Variants in TBL1XR1 observed in about 807,000 individuals in gnomAD.
The protein encoded by TBL1XR1 is F-box-like/WD repeat-containing protein TBL1XR1.
In TBL1XR1, 5 loss-of-function variants were observed where a neutral mutation model predicts 66.9. The ratio of observed to expected loss-of-function variants is 0.07; its 90% CI spans 0.04 to 0.16. The LOEUF (loss-of-function observed/expected upper bound fraction) is 0.16. Among genes scored for constraint, TBL1XR1 ranks in the 10% least tolerant of loss-of-function variants. The pLI, the probability that TBL1XR1 is intolerant of heterozygous loss-of-function variation, is 1.00. For synonymous variants in TBL1XR1, 210 were observed against 206.0 expected, an observed-to-expected ratio of 1.02 and a Z score of -0.17; for missense variants, 238 against 623.2, an observed-to-expected ratio of 0.38 and a Z score of 6.58.
intron 1 of TBL1XR1, among the ~76,000 whole-genome samples, chr3:177,183,943 C>A (rs765841430): frequency 6.6e-6 from 1 of 151,780 alleles, no homozygotes. Flanking sequence ...GAGTTCACTG[C>A]CAAAAATGAG....
Position 177,046,295 on chromosome 3 carries a change from A to G in TBL1XR1, c.865-106T>C, listed in dbSNP as rs941282329. 16 of 800,476 alleles carry G rather than the reference A, an allele frequency of 2.0e-5. No individual in the cohort carries two copies. In the African/African-American group the frequency reaches 2.7e-4, roughly 14 times the overall value. The allele number at this position is 800,476 out of a possible 1,614,324, so 49.6% of individuals were successfully genotyped here. A position where few individuals can be genotyped will look rare whatever the true frequency, so the allele number is the denominator to read the frequency against. On this transcript the variant is annotated intron_variant, in intron 9 of 15. Transcript: ENST00000457928. Reference sequence around the variant, plus strand: ...ACAGCAATATGAAATGTCAGAGTGGATTTAATTTTAAACACTTTATCCCAA... The same window carrying G: ...ACAGCAATATGAAATGTCAGAGTGGGTTTAATTTTAAACACTTTATCCCAA...
intron 1 of TBL1XR1, among the ~76,000 whole-genome samples, chr3:177,109,298 T>C (rs993993810): frequency 3.9e-5 from 6 of 152,152 alleles, no homozygotes; most frequent in Non-Finnish European, 7.4e-5. Context: ...CTAAATGAAC[T>C]CTCTCCATTA....
Position 177,065,022 on chromosome 3 carries a change from C to A in TBL1XR1, c.-45G>T. ...ATGAGGTCACAACACAGGATATAAC[C>A]CTAAAAATAAAACAAAGTTAATTAT... is the stretch of plus-strand genomic sequence containing the variant. On this transcript the variant is annotated splice_region_variant and 5_prime_UTR_variant, in exon 3 of 16. Coordinates refer to ENST00000457928, the MANE Select transcript of TBL1XR1 (RefSeq NM_024665.7). The A allele has an allele frequency of 2.1e-6, 3 of 1,423,488 alleles. No homozygotes were observed. Among genetic ancestry groups the A allele is most frequent in the Non-Finnish European group, 1.8e-6 (2 of 1,088,076 alleles). 88.2% of individuals were successfully genotyped at this position (1,423,488 alleles called of 1,614,324 possible). A position where few individuals can be genotyped will look rare whatever the true frequency, so the allele number is the denominator to read the frequency against.
chr3:177,196,455 C>G (rs1439740911), intron 1 of TBL1XR1: 1 of 150,514 alleles, frequency 6.6e-6, no homozygotes, highest in Non-Finnish European at 1.5e-5. Flanking sequence ...AAACACGTCC[C>G]GGAGCAAGGC....
chr3:177,135,518 G>A (rs1390017073), intron 1 of TBL1XR1, among the ~76,000 whole-genome samples: 2 of 150,562 alleles, frequency 1.3e-5, no homozygotes, highest in Admixed American at 6.6e-5. Flanking sequence ...CGAGTAGCTG[G>A]GACTACAGGC....
At chr3:177,086,870 C>T (rs575194838) in intron 2 of TBL1XR1, 6 of 151,604 alleles carry the variant, frequency 4.0e-5, no homozygotes, top group African/African-American at 1.5e-4. Flanking sequence ...TAAACACACA[C>T]ACCTTACATG....
In TBL1XR1 at chr3:177,186,963, G is replaced by A. The variant is rs1189526458; in HGVS notation, c.-122+10158C>T. Among the ~76,000 whole-genome samples, 13 of 152,086 alleles carry A rather than the reference G, an allele frequency of 8.5e-5. No homozygotes were observed. In the East Asian group the frequency reaches 1.7e-3, roughly 20 times the overall value. On this transcript the variant is annotated intron_variant, in intron 1 of 15. Coordinates refer to ENST00000457928, the MANE Select transcript of TBL1XR1 (RefSeq NM_024665.7). ...GGGCGGATCACAAGGTCAGGAGATCGAGACCATCCCGGCTAACAGGATGAA... is the reference window on the plus strand; with the variant it reads ...GGGCGGATCACAAGGTCAGGAGATCAAGACCATCCCGGCTAACAGGATGAA...
intron 3 of TBL1XR1, among the ~76,000 whole-genome samples, chr3:177,062,818 G>T (rs1267080824): frequency 6.6e-6 from 1 of 151,892 alleles, no homozygotes; most frequent in Non-Finnish European, 1.5e-5. Context: ...ATTTTGAAGG[G>T]TTTTTTCTCT....
rs1314205613 is a variant in TBL1XR1, at chr3:177,197,446, G to A, written c.-447C>T. The A allele has an allele frequency of 6.8e-6, 1 of 147,296 alleles. No homozygotes were observed. Among genetic ancestry groups the A allele is most frequent in the African/African-American group, 2.5e-5 (1 of 40,662 alleles). 9.1% of individuals were successfully genotyped at this position (147,296 alleles called of 1,614,324 possible). A position where few individuals can be genotyped will look rare whatever the true frequency, so the allele number is the denominator to read the frequency against. On this transcript the variant is annotated 5_prime_UTR_variant, in exon 1 of 16. Coordinates refer to ENST00000457928, the MANE Select transcript of TBL1XR1 (RefSeq NM_024665.7). ...GCGGGGAGAGGAATTGAGGCAGAAG[G>A]TAAAAGCTGTTACTAAGGGAAAGAG...
chr3:177,136,216 C>T (rs1323198646), intron 1 of TBL1XR1: 1 of 152,122 alleles, frequency 6.6e-6, no homozygotes, highest in Non-Finnish European at 1.5e-5. Flanking sequence ...GAGATAGGTA[C>T]CTGTGAATCA....
intron 1 of TBL1XR1, among the ~76,000 whole-genome samples, chr3:177,176,603 A>G (rs946352980): frequency 6.7e-6 from 1 of 149,900 alleles, no homozygotes; most frequent in Non-Finnish European, 1.5e-5. Flanking sequence ...ACCTGAGGTC[A>G]GGAGTTCGAG....
intron 2 of TBL1XR1, among the ~76,000 whole-genome samples, chr3:177,084,794 C>G (rs561700061): frequency 6.6e-6 from 1 of 152,346 alleles, no homozygotes; most frequent in South Asian, 2.1e-4. Context: ...AACTCCAATG[C>G]CATTCTCTTA....
At chr3:177,076,071 T>C (rs916303570) in intron 2 of TBL1XR1, among the ~76,000 whole-genome samples, 4 of 152,212 alleles carry the variant, frequency 2.6e-5, no homozygotes, top group African/African-American at 9.6e-5. Flanking sequence ...GCAGATACAG[T>C]GCCTAGTGAA....
intron 1 of TBL1XR1, among the ~76,000 whole-genome samples, chr3:177,104,177 T>A (rs1724587791): frequency 6.6e-6 from 1 of 150,446 alleles, no homozygotes; most frequent in Admixed American, 6.6e-5. Context: ...TGACCCTGCT[T>A]AGAAAGATTT....
At chr3:177,034,350 C>G (rs1317848264) in intron 12 of TBL1XR1, 25 bp from the exon 13 acceptor site, 7 of 1,462,350 alleles carry the variant, frequency 4.8e-6, no homozygotes, top group Non-Finnish European at 4.5e-6. Flanking sequence ...AAAATGTATA[C>G]AATTATTTTT....
intron 3 of TBL1XR1, among the ~76,000 whole-genome samples, chr3:177,060,703 G>A (rs1181343586): frequency 6.6e-6 from 1 of 152,176 alleles, no homozygotes; most frequent in Non-Finnish European, 1.5e-5. Context: ...AAAGGTGGGG[G>A]AGAGATTAAA....
intron 1 of TBL1XR1, among the ~76,000 whole-genome samples, chr3:177,180,649 G>A (rs1338683510): frequency 1.3e-5 from 2 of 152,026 alleles, no homozygotes; most frequent in Non-Finnish European, 2.9e-5. Flanking sequence ...CTCTACTTTG[G>A]AAGGTTCCAA....
At chr3:177,097,534 T>C (rs569682938) in intron 2 of TBL1XR1, among the ~76,000 whole-genome samples, 10 of 152,256 alleles carry the variant, frequency 6.6e-5, no homozygotes, top group Admixed American at 5.9e-4. Flanking sequence ...ATAAAGCAAA[T>C]GCCAGCTCCC....
chr3:177,032,849 A>T, intron 14 of TBL1XR1, 122 bp downstream of exon 14: 1 of 802,050 alleles, frequency 1.2e-6, no homozygotes, highest in Non-Finnish European at 1.7e-6. Flanking sequence ...ATCTTATTTT[A>T]AAACCAATAA....
Sources: gnomAD v4.1 joint callset for allele counts (sites outside exome capture counted in the v4.1 genomes callset) on GRCh38, gnomAD v4.1.1 for gene constraint, MANE v1.5 for transcripts, NCBI Gene and HGNC (gene_info 2026-07-23, HGNC 2026-07-21) for gene names.